Variants in CRTC3 observed in about 807,000 individuals in gnomAD.
The protein encoded by CRTC3 is CREB regulated transcription coactivator 3.
Under a neutral mutation model 74.5 loss-of-function variants are expected in CRTC3, and 26 were observed. That is an observed-to-expected ratio of 0.35 (90% CI 0.26 to 0.48). The LOEUF (loss-of-function observed/expected upper bound fraction) is 0.48, where lower values mean the gene tolerates loss of function less well. Ranked by LOEUF, CRTC3 falls within the 20% of genes least tolerant of loss-of-function variation. The probability of loss-of-function intolerance (pLI) is 0.99; values close to 1 mark genes in which losing one functional copy is unlikely to be tolerated. For synonymous variants in CRTC3, 377 were observed against 325.8 expected (o/e 1.16, Z -1.69); for missense variants, 760 against 787.3 (o/e 0.97, Z 0.41).
intron 2 of CRTC3, among the ~76,000 whole-genome samples, chr15:90,589,096 A>T (rs902932858): frequency 6.6e-6 from 1 of 151,976 alleles, no homozygotes; most frequent in Non-Finnish European, 1.5e-5. Flanking sequence ...TTACTCTGTC[A>T]CCCAGGCTGG....
intron 11 of CRTC3, among the ~76,000 whole-genome samples, chr15:90,636,024 A>G (rs963554081): frequency 6.6e-6 from 1 of 152,140 alleles, no homozygotes; most frequent in African/African-American, 2.4e-5. Context: ...TCAAGCTACC[A>G]ATGACTTTCT....
rs1035042239 is a variant in CRTC3, at chr15:90,643,686, G to A, written c.*1546G>A. On this transcript the variant is annotated 3_prime_UTR_variant, in exon 15 of 15. Transcript: ENST00000268184. ...CCACCGCCTGCCTCCTCTAACTTGG[G>A]TGATGCCAGTAGGTTTGAAGGGGGC... is the stretch of plus-strand genomic sequence containing the variant. 8 of 232,310 alleles carry A rather than the reference G, an allele frequency of 3.4e-5. No homozygotes were observed. The highest frequency in any genetic ancestry group is 6.0e-5 in the Non-Finnish European group (7 of 117,566). The allele number at this position is 232,310 out of a possible 1,614,324, so 14.4% of individuals were successfully genotyped here. A position where few individuals can be genotyped will look rare whatever the true frequency, so the allele number is the denominator to read the frequency against.
intron 2 of CRTC3, among the ~76,000 whole-genome samples, chr15:90,563,888 C>T (rs1207908148): frequency 2.0e-5 from 3 of 152,076 alleles, no homozygotes; most frequent in African/African-American, 7.2e-5. Context: ...TCCCGCCTTC[C>T]TTCCTTTTTT....
At chr15:90,597,605 G>T (rs1246674541) in intron 3 of CRTC3, among the ~76,000 whole-genome samples, 1 of 152,124 alleles carries the variant, frequency 6.6e-6, no homozygotes, top group East Asian at 1.9e-4. Flanking sequence ...TCACCTCTTG[G>T]AGCCTGACCG....
chr15:90,629,224 T>C lies in CRTC3; in HGVS notation c.968-10T>C. The C allele has an allele frequency of 6.2e-7, 1 of 1,601,160 alleles. No individual in the cohort carries two copies. Among genetic ancestry groups the C allele is most frequent in the Non-Finnish European group, 8.5e-7 (1 of 1,171,694 alleles). The stretch of plus-strand genomic sequence containing the variant: ...AATTATAAGTAACTTGTGAATTTGT[T>C]GTCTTCCAGGTCTCCAGAGTTCTCG... On this transcript the variant is annotated splice_polypyrimidine_tract_variant and intron_variant, in intron 10 of 14. Transcript: ENST00000268184.
intron 2 of CRTC3, among the ~76,000 whole-genome samples, chr15:90,560,332 G>T (rs1966984746): frequency 6.6e-6 from 1 of 152,208 alleles, no homozygotes; most frequent in African/African-American, 2.4e-5. Flanking sequence ...TCTTGAAAGA[G>T]AATGTGTTTT....
chr15:90,635,305 T>G (rs976014786), intron 11 of CRTC3, among the ~76,000 whole-genome samples: 4 of 152,080 alleles, frequency 2.6e-5, no homozygotes, highest in African/African-American at 9.7e-5. Context: ...TGTAGAATGA[T>G]CTAGCTTGGT....
intron 2 of CRTC3, among the ~76,000 whole-genome samples, chr15:90,547,093 T>A (rs1966845625): frequency 6.6e-6 from 1 of 152,224 alleles, no homozygotes; most frequent in South Asian, 2.1e-4. Context: ...TCTCCTTTTA[T>A]TTTTATTATA....
At chr15:90,574,248 G>A (rs1025350562) in intron 2 of CRTC3, among the ~76,000 whole-genome samples, 3 of 152,164 alleles carry the variant, frequency 2.0e-5, no homozygotes, top group Non-Finnish European at 4.4e-5. Context: ...GGAGGCCGAG[G>A]TTGGTAGATC....
chr15:90,639,334 C>G (rs1379873686), intron 13 of CRTC3, among the ~76,000 whole-genome samples: 1 of 151,868 alleles, frequency 6.6e-6, no homozygotes, highest in East Asian at 1.9e-4. Context: ...TTTTTCCTAA[C>G]ATTGACTATT....
At chr15:90,536,910 G>A (rs1966729480) in intron 1 of CRTC3, among the ~76,000 whole-genome samples, 1 of 152,208 alleles carries the variant, frequency 6.6e-6, no homozygotes, top group Non-Finnish European at 1.5e-5. Context: ...AGTGTTGTCT[G>A]ATCTTTCAAT....
At position 90,614,746 on chromosome 15, in the gene CRTC3, C is replaced by A. The variant is rs376762818; in HGVS notation, c.613+258C>A. On this transcript the variant is annotated intron_variant, in intron 7 of 14. Coordinates refer to ENST00000268184, the MANE Select transcript of CRTC3 (RefSeq NM_022769.5). ...CACAGTCACAAGGTTGAGCAAGGAA[C>A]CAAAAATTGTAATCACATGAAAATA... is the stretch of plus-strand genomic sequence containing the variant. 1.1e-4 allele frequency among the ~76,000 whole-genome samples: 17 copies of A among 152,240 alleles called. No homozygotes were observed. In the South Asian group the frequency reaches 2.3e-3, roughly 20 times the overall value.
chr15:90,585,026 G>A (rs923693123), intron 2 of CRTC3, among the ~76,000 whole-genome samples: 32 of 152,314 alleles, frequency 2.1e-4, no homozygotes, highest in African/African-American at 7.7e-4. Context: ...ATTTGTAGGT[G>A]TGCCGTTTGT....
intron 2 of CRTC3, among the ~76,000 whole-genome samples, chr15:90,549,791 C>T (rs1217134724): frequency 7.4e-5 from 11 of 149,616 alleles, no homozygotes; most frequent in Non-Finnish European, 1.5e-4. Flanking sequence ...CAACTTCTGC[C>T]TCCCAGGTTC....
chr15:90,530,078 G>A lies in CRTC3; in HGVS notation c.7G>A (p.Ala3Thr). 3 of 1,433,402 alleles carry A rather than the reference G, an allele frequency of 2.1e-6. No homozygotes were observed. The highest frequency in any genetic ancestry group is 1.9e-6 in the Non-Finnish European group (2 of 1,077,144). 88.8% of individuals were successfully genotyped at this position (1,433,402 alleles called of 1,614,324 possible). A position where few individuals can be genotyped will look rare whatever the true frequency, so the allele number is the denominator to read the frequency against. The change falls in exon 1 of 15, where the codon GCC (alanine) becomes ACC (threonine). Residue 3 changes from alanine (A) to threonine (T), a missense_variant. Around this residue, in one of 2 missense-constraint regions of CRTC3, gnomAD observed 108 missense variants for 152.1 expected, o/e 0.71. Transcript: ENST00000268184. The surrounding 1 kb of genome is among the most constrained non-coding windows in gnomAD (Gnocchi z 6.2). MA[A>T]SPGSGSANPR... ...CCCGCGCAGAGTCCGCGCCATGGCCGCCTCGCCGGGCTCGGGCAGCGCCAA... is the reference window on the plus strand; with the variant it reads ...CCCGCGCAGAGTCCGCGCCATGGCCACCTCGCCGGGCTCGGGCAGCGCCAA...
intron 7 of CRTC3, among the ~76,000 whole-genome samples, chr15:90,615,080 A>T (rs150553901): frequency 0.099 from 14,964 of 150,446 alleles, 811 homozygotes; most frequent in Non-Finnish European, 0.12. Context: ...ATAAATAAAT[A>T]AATAAATAAA....
intron 7 of CRTC3, 37 bp downstream of exon 7, chr15:90,614,525 A>G: frequency 2.8e-6 from 4 of 1,437,518 alleles, no homozygotes; most frequent in Non-Finnish European, 3.9e-6. Flanking sequence ...TTGGAGTGGG[A>G]TGCTGATTAG....
intron 11 of CRTC3, among the ~76,000 whole-genome samples, chr15:90,633,735 C>G (rs1235886145): frequency 6.6e-6 from 1 of 152,000 alleles, no homozygotes; most frequent in Non-Finnish European, 1.5e-5. Context: ...CGAATGTTGA[C>G]TATCCTGGAC....
chr15:90,529,972 C>A lies in CRTC3; in HGVS notation c.-100C>A. On this transcript the variant is annotated 5_prime_UTR_variant, in exon 1 of 15. Coordinates refer to ENST00000268184, the MANE Select transcript of CRTC3 (RefSeq NM_022769.5). ...CTGCCGGGTCGCGCCGGACGACTGG[C>A]TTCGGGCGGCGGCCCCGGCGGCCTG... The A allele has an allele frequency of 2.1e-6, 2 of 960,106 alleles. No homozygotes were observed. Among genetic ancestry groups the A allele is most frequent in the Non-Finnish European group, 2.6e-6 (2 of 773,060 alleles). The allele number at this position is 960,106 out of a possible 1,614,324, so 59.5% of individuals were successfully genotyped here.
Sources: gnomAD v4.1 joint callset for allele counts (sites outside exome capture counted in the v4.1 genomes callset) on GRCh38, gnomAD v4.1.1 for gene constraint, gnomAD v4.1.1 regional missense constraint, Gnocchi (gnomAD v3.1) non-coding constraint, MANE v1.5 for transcripts, NCBI Gene and HGNC (gene_info 2026-07-23, HGNC 2026-07-21) for gene names.